ZBBX: variants seen among roughly 807,000 people sequenced by gnomAD.
ZBBX encodes the protein zinc finger B-box domain containing, also known as zinc finger B-box domain-containing protein 1.
In ZBBX, 101 loss-of-function variants were observed where a neutral mutation model predicts 108.5. The ratio of observed to expected loss-of-function variants is 0.93; its 90% CI spans 0.79 to 1.10. The LOEUF (loss-of-function observed/expected upper bound fraction) is 1.10. Among genes scored for constraint, ZBBX ranks in the 50% least tolerant of loss-of-function variants. The pLI is 0.00. For missense variants in ZBBX, 1,009 were observed against 941.4 expected, an observed-to-expected ratio of 1.07 and a Z score of -0.94; for synonymous variants, 356 against 323.4, an observed-to-expected ratio of 1.10 and a Z score of -1.08.
the ZBBX span, among the ~76,000 whole-genome samples, chr3:167,179,792 G>C: frequency 3.9e-5 from 6 of 152,088 alleles, no homozygotes; most frequent in African/African-American, 1.4e-4. Flanking sequence ...ACCTTCAATT[G>C]GTTTAAATTT....
At chr3:167,376,075 C>T (rs1022936371) in intron 2 of ZBBX, among the ~76,000 whole-genome samples, 2 of 152,182 alleles carry the variant, frequency 1.3e-5, no homozygotes, top group African/African-American at 4.8e-5. Context: ...GAAGAATCTA[C>T]AGCAGGCGTC....
chr3:167,330,862 G>GAAGAAGAAGAAGAAGAAGAAGA (rs1560135987), intron 10 of ZBBX, among the ~76,000 whole-genome samples: 5 of 13,566 alleles, frequency 3.7e-4, no homozygotes, highest in Middle Eastern at 0.062. Flanking sequence ...GGAGGAGGAG[G>GAAGAAGAAGAAGAAGAAGAAGA]AGGAGGAGGA....
intron 20 of ZBBX, among the ~76,000 whole-genome samples, chr3:167,262,205 TC>T (rs201768592): frequency 1.7e-4 from 8 of 48,126 alleles, no homozygotes; most frequent in Non-Finnish European, 2.4e-4. Context: ...TTTTTGTGGG[TC>T]GGGGGGGGCG....
upstream of ZBBX, among the ~76,000 whole-genome samples, chr3:167,382,077 T>G (rs1459275218): frequency 6.6e-6 from 1 of 152,160 alleles, no homozygotes; most frequent in Non-Finnish European, 1.5e-5. Context: ...CTCCAAAAAA[T>G]GATTCTTACA....
intron 20 of ZBBX, among the ~76,000 whole-genome samples, chr3:167,278,669 G>A (rs1164078120): frequency 6.6e-6 from 1 of 151,568 alleles, no homozygotes; most frequent in East Asian, 1.9e-4. Context: ...TCTACCAGAG[G>A]TACAAGGAGG....
At position 167,262,678 on chromosome 3, in the gene ZBBX, G is replaced by A. The variant is rs141052652; in HGVS notation, c.2254+19560C>T. On this transcript the variant is annotated intron_variant, in intron 20 of 21. Transcript: ENST00000675490. Reference sequence around the variant, plus strand: ...GTATGTTCAGGTTTTGGACTTCTTCGTGGTTCAATCTTGGCAGGTTGTATA... The same window carrying A: ...GTATGTTCAGGTTTTGGACTTCTTCATGGTTCAATCTTGGCAGGTTGTATA... Among the ~76,000 whole-genome samples the A allele has an allele frequency of 2.4e-3, 368 of 152,206 alleles. 2 individuals carry two copies. The highest frequency in any genetic ancestry group is 7.3e-3 in the African/African-American group (305 of 41,534).
At chr3:167,223,711 T>C in the ZBBX span, among the ~76,000 whole-genome samples, 2 of 151,958 alleles carry the variant, frequency 1.3e-5, no homozygotes, top group Admixed American at 6.6e-5. Context: ...GGCAAAATTT[T>C]TGCCTTAAAA....
chr3:167,216,722 T>C, the ZBBX span, among the ~76,000 whole-genome samples: 1 of 152,250 alleles, frequency 6.6e-6, no homozygotes, highest in Non-Finnish European at 1.5e-5. Context: ...CTTCAAACTA[T>C]ACTACAAGGC....
chr3:167,216,630 T>G, the ZBBX span, among the ~76,000 whole-genome samples: 1 of 151,986 alleles, frequency 6.6e-6, no homozygotes, highest in South Asian at 2.1e-4. Context: ...TCTTTTAAAA[T>G]TTATATGGAA....
At chr3:167,318,213 G>C (rs990186962) in intron 12 of ZBBX, among the ~76,000 whole-genome samples, 5 of 151,876 alleles carry the variant, frequency 3.3e-5, no homozygotes, top group African/African-American at 1.2e-4. Context: ...GGAGAGAAGG[G>C]TCACTTTTTA....
At chr3:167,210,965 C>T in the ZBBX span, among the ~76,000 whole-genome samples, 1 of 152,082 alleles carries the variant, frequency 6.6e-6, no homozygotes, top group Non-Finnish European at 1.5e-5. Context: ...AATAATAAAT[C>T]ATCTGGGGGG....
intron 1 of ZBBX, among the ~76,000 whole-genome samples, chr3:167,389,376 C>T (rs1036668057): frequency 6.6e-6 from 1 of 152,092 alleles, no homozygotes; most frequent in African/African-American, 2.4e-5. Context: ...TCCAGTCTAT[C>T]ACTGATGGGC....
chr3:167,372,192 G>A (rs1746266372), intron 4 of ZBBX, among the ~76,000 whole-genome samples: 1 of 150,818 alleles, frequency 6.6e-6, no homozygotes, highest in East Asian at 1.9e-4. Flanking sequence ...GCCTGGGTGA[G>A]GGAGCAAGAC....
chr3:167,337,329 C>A (rs1739723840), intron 9 of ZBBX, among the ~76,000 whole-genome samples: 1 of 151,962 alleles, frequency 6.6e-6, no homozygotes, highest in South Asian at 2.1e-4. Flanking sequence ...ACCAACCTGG[C>A]TAAAATTGTG....
chr3:167,363,443 G>A lies in ZBBX; in HGVS notation c.273+2443C>T, dbSNP rs145027162. Among the ~76,000 whole-genome samples the A allele has an allele frequency of 2.7e-3, 405 of 152,128 alleles. 2 individuals are homozygous for A. Among genetic ancestry groups the A allele is most frequent in the African/African-American group, 9.3e-3 (388 of 41,520 alleles). ...CTTTCAGTGTCCCACCTCACCACTT[G>A]TCAAAAACAATCTCTAAAATTTATT... On this transcript the variant is annotated intron_variant, in intron 6 of 21. Coordinates refer to ENST00000675490, the MANE Select transcript of ZBBX (RefSeq NM_001199201.2).
At position 167,317,120 on chromosome 3, in the gene ZBBX, T is replaced by A; in HGVS notation, c.1094-15A>T. Reference sequence around the variant, plus strand: ...GGTCTCCTCACCTAGGAAATAAGATTCACAAATAATATCATCAAAGAATAT... The same window carrying A: ...GGTCTCCTCACCTAGGAAATAAGATACACAAATAATATCATCAAAGAATAT... On this transcript the variant is annotated splice_polypyrimidine_tract_variant and intron_variant, in intron 13 of 21. Coordinates refer to ENST00000675490, the MANE Select transcript of ZBBX (RefSeq NM_001199201.2). The A allele has an allele frequency of 6.8e-7, 1 of 1,462,378 alleles. No homozygotes were observed. The highest frequency in any genetic ancestry group is 9.5e-7 in the Non-Finnish European group (1 of 1,050,622). 90.6% of individuals were successfully genotyped at this position (1,462,378 alleles called of 1,614,324 possible).
At chr3:167,234,988 C>G (rs1435669624), downstream of ZBBX, among the ~76,000 whole-genome samples, 5 of 151,690 alleles carry the variant, frequency 3.3e-5, no homozygotes, top group South Asian at 1.0e-3. Context: ...AACAAATTTA[C>G]AGTGAGGTAA....
chr3:167,223,256 T>C, the ZBBX span, among the ~76,000 whole-genome samples: 4 of 151,916 alleles, frequency 2.6e-5, no homozygotes, highest in Non-Finnish European at 5.9e-5. Flanking sequence ...ATCATTATAT[T>C]ACCCACCCAT....
At chr3:167,213,378 A>G in the ZBBX span, among the ~76,000 whole-genome samples, 3,399 of 152,276 alleles carry the variant, frequency 0.022, 43 homozygotes, top group African/African-American at 0.026. Flanking sequence ...GAATAACACA[A>G]TACAAGAATT....
Sources: allele counts gnomAD v4.1 joint callset (sites outside exome capture counted in the v4.1 genomes callset), GRCh38; gene constraint gnomAD v4.1.1; transcripts MANE v1.5; gene names NCBI Gene and HGNC (gene_info 2026-07-23, HGNC 2026-07-21).